Variants in ULK3 observed in about 807,000 individuals in gnomAD.
ULK3 encodes serine/threonine-protein kinase ULK3.
A neutral mutation model predicts 69.4 loss-of-function variants in ULK3; 54 were observed. That is an observed-to-expected ratio of 0.78 (90% confidence interval 0.63 to 0.98). ULK3 has a LOEUF of 0.98. Ranked by LOEUF, ULK3 falls within the 50% of genes least tolerant of loss-of-function variation. The pLI, the probability that ULK3 is intolerant of heterozygous loss-of-function variation, is 0.00. For missense variants in ULK3, 558 were observed against 627.7 expected (o/e 0.89, Z 1.19); for synonymous variants, 240 against 254.5 (o/e 0.94, Z 0.54).
At chr15:74,838,931 G>A (rs139193746) in intron 9 of ULK3, 79 bp downstream of exon 9, 49 of 1,531,088 alleles carry the variant, frequency 3.2e-5, no homozygotes, top group Non-Finnish European at 4.3e-5. Flanking sequence ...AATTCTAAGA[G>A]AGCCATTCCC....
Position 74,837,405 on chromosome 15 carries a change from G to A in ULK3, c.1366C>T (p.Leu456=). 4 of 1,613,010 alleles carry A rather than the reference G, an allele frequency of 2.5e-6. No homozygotes were observed. The highest frequency in any genetic ancestry group is 3.4e-6 in the Non-Finnish European group (4 of 1,179,552). ...MRESRWEADT[L]DKEGLSESVR... ...GATTCCGACAGTCCCTCTTTGTCCAGGGTGTCAGCTTCCCAGCGAGATTCC... is the reference window on the plus strand; with the variant it reads ...GATTCCGACAGTCCCTCTTTGTCCAAGGTGTCAGCTTCCCAGCGAGATTCC... The change falls in exon 15 of 16, where the codon CTG becomes TTG. Residue 456 remains leucine (L), a synonymous_variant. Transcript: ENST00000440863.
intron 15 of ULK3, 26 bp from the exon 16 acceptor site, chr15:74,837,270 G>A (rs1468349543): frequency 3.7e-6 from 6 of 1,603,142 alleles, no homozygotes; most frequent in Non-Finnish European, 5.1e-6. Flanking sequence ...GGACAATGGG[G>A]GAGGGTCAGT....
intron 13 of ULK3, 42 bp from the exon 14 acceptor site, chr15:74,837,840 CGGGGGGT>C: frequency 6.8e-7 from 1 of 1,478,688 alleles, no homozygotes; most frequent in Non-Finnish European, 9.3e-7. Flanking sequence ...GGGAGAGTGG[CGGGGGGT>C]GGGGTTTCAA....
At chr15:74,838,864 G>A (rs770005467) in intron 9 of ULK3, 119 bp from the exon 10 acceptor site, 2 of 1,385,742 alleles carry the variant, frequency 1.4e-6, no homozygotes, top group African/African-American at 1.4e-5. Flanking sequence ...CATGTCAGGG[G>A]GCAAATGTGG....
Position 74,836,304 on chromosome 15 carries a change from C to G in ULK3, c.*924G>C, listed in dbSNP as rs1377918373. 6.6e-6 allele frequency: 1 copy of G among 152,212 alleles called. No individual in the cohort carries two copies. Among genetic ancestry groups the G allele is most frequent in the African/African-American group, 2.4e-5 (1 of 41,440 alleles). 9.4% of individuals were successfully genotyped at this position (152,212 alleles called of 1,614,324 possible). Reference sequence around the variant, plus strand: ...TTTTCCAGGTTAAATTCACTTTGTCCTCATAAGTGCCCATGCTGTGGGCTG... The same window carrying G: ...TTTTCCAGGTTAAATTCACTTTGTCGTCATAAGTGCCCATGCTGTGGGCTG... On this transcript the variant is annotated 3_prime_UTR_variant, in exon 16 of 16. Transcript: ENST00000440863. This position sits in a 1 kb window ranked among gnomAD's most constrained non-coding sequence, Gnocchi z 4.0.
Position 74,842,409 on chromosome 15 carries a change from A to C in ULK3, c.114T>G (p.Arg38=). The change falls in exon 2 of 16, where the codon CGT becomes CGG. Residue 38 remains arginine (R), a synonymous_variant. Coordinates refer to ENST00000440863, the MANE Select transcript of ULK3 (RefSeq NM_001099436.4). This position sits in a 1 kb window ranked among gnomAD's most constrained non-coding sequence, Gnocchi z 4.9. The part of the protein sequence containing the change: ...VYKAYAKKDT[R]EVVAIKCVAK... ...CTACACACTTTATGGCTACCACTTC[A>C]CGAGTGTCCTTCTGCGAGACAGGAG... 6.2e-7 allele frequency: 1 copy of C among 1,613,818 alleles called. No homozygotes were observed. Among genetic ancestry groups the C allele is most frequent in the Non-Finnish European group, 8.5e-7 (1 of 1,179,878 alleles).
At chr15:74,840,443 C>T (rs1467510637) in intron 5 of ULK3, 55 bp downstream of exon 5, 3 of 1,575,442 alleles carry the variant, frequency 1.9e-6, no homozygotes, top group Admixed American at 3.7e-5. Context: ...CCAGAGAGGC[C>T]TTGCCTGAGG....
chr15:74,839,313 A>G lies in ULK3; in HGVS notation c.913T>C (p.Ser305Pro). ...DQEGDSAAAL[S>P]LYCKALDFFV... ...AAGTCCAGAGCCTTGCAGTAGAGTG[A>G]TAAGGCAGCTGCTGAATCCCCCTCC... Residue 305 changes from serine (S) to proline (P), a missense_variant, in exon 8 of 16, where the codon TCA becomes CCA. Coordinates refer to ENST00000440863, the MANE Select transcript of ULK3 (RefSeq NM_001099436.4). The G allele has an allele frequency of 1.3e-6, 2 of 1,567,112 alleles. No homozygotes were observed. Among genetic ancestry groups the G allele is most frequent in the Non-Finnish European group, 8.7e-7 (1 of 1,155,376 alleles).
At position 74,837,752 on chromosome 15, in the gene ULK3, T is replaced by C. The variant is rs12898397; in HGVS notation, c.1334A>G (p.Lys445Arg). The stretch of plus-strand genomic sequence containing the variant: ...CCAGCGTGGCCCCCATGTGCCCACC[T>C]TGACCTGCTCCTTCAAGTATTCAGC... ...ARAEYLKEQV[K>R]MRESRWEADT... Residue 445 changes from lysine (K) to arginine (R), a missense_variant and splice_region_variant, in exon 14 of 16, where the codon AAG (lysine) becomes AGG (arginine). Transcript: ENST00000440863. 902,738 of 1,593,722 alleles carry C rather than the reference T, an allele frequency of 0.57. 266,534 individuals carry two copies. Among genetic ancestry groups the C allele is most frequent in the Non-Finnish European group, 0.62 (720,506 of 1,169,520 alleles).
At chr15:74,839,231 C>G in intron 8 of ULK3, 37 bp downstream of exon 8, 1 of 1,547,316 alleles carries the variant, frequency 6.5e-7, no homozygotes, top group Non-Finnish European at 8.7e-7. Flanking sequence ...CCCATCCCTG[C>G]TGCACCCACG....
At chr15:74,837,983 C>A in intron 13 of ULK3, 169 bp downstream of exon 13, 1 of 1,269,928 alleles carries the variant, frequency 7.9e-7, no homozygotes, top group Non-Finnish European at 1.1e-6. Flanking sequence ...TGCTGGGTTC[C>A]CAGATCCCCC....
Position 74,837,845 on chromosome 15 carries a change from G to A in ULK3, c.1288-47C>T, listed in dbSNP as rs1483129934. 7 of 1,542,924 alleles carry A rather than the reference G, an allele frequency of 4.5e-6. No individual in the cohort carries two copies. In the East Asian group the frequency reaches 7.2e-5, roughly 16 times the overall value. ...TTGGGTGTGGGGGAGAGTGGCGGGG[G>A]GTGGGGTTTCAAAGGGAACTCCTCC... On this transcript the variant is annotated intron_variant, in intron 13 of 15. Coordinates refer to ENST00000440863, the MANE Select transcript of ULK3 (RefSeq NM_001099436.4).
rs2064177793 is a variant in ULK3 at position 74,839,767 on chromosome 15, C to A, written c.697-54G>T. 31 of 1,470,822 alleles carry A rather than the reference C, an allele frequency of 2.1e-5. No individual in the cohort carries two copies. In the South Asian group the frequency reaches 4.0e-4, roughly 19 times the overall value. 91.1% of individuals were successfully genotyped at this position (1,470,822 alleles called of 1,614,324 possible). ...TCACACTGGGCTCCTCCACCCCTAC[C>A]CCTAGCCCAGGGGTCTGCGAGGAAC... is the stretch of plus-strand genomic sequence containing the variant. On this transcript the variant is annotated intron_variant, in intron 6 of 15. Transcript: ENST00000440863.
chr15:74,838,213 G>A (rs1210368229), intron 12 of ULK3, 21 bp from the exon 13 acceptor site: 2 of 1,567,684 alleles, frequency 1.3e-6, no homozygotes, highest in South Asian at 2.3e-5. Flanking sequence ...AGGGTGTGTG[G>A]TGAGGACAGG....
At chr15:74,840,795 C>G (rs1202809170) in intron 4 of ULK3, 154 bp from the exon 5 acceptor site, 1 of 1,030,258 alleles carries the variant, frequency 9.7e-7, no homozygotes, top group Non-Finnish European at 1.4e-6. Context: ...GAACACCCTC[C>G]TATATCTGCC....
chr15:74,838,912 G>A lies in ULK3; in HGVS notation c.999+98C>T, dbSNP rs963615740. 202 of 1,495,802 alleles carry A rather than the reference G, an allele frequency of 1.4e-4. 1 individual carries two copies. Among genetic ancestry groups the A allele is most frequent in the Admixed American group, 1.2e-3 (62 of 50,522 alleles). The allele number at this position is 1,495,802 out of a possible 1,614,324, so 92.7% of individuals were successfully genotyped here. ...ATTCCCAGCTCTGTGTTGCAGGAGA[G>A]GAAGTTCCAATTCTAAGAGAGCCAT... On this transcript the variant is annotated intron_variant, in intron 9 of 15. Coordinates refer to ENST00000440863, the MANE Select transcript of ULK3 (RefSeq NM_001099436.4).
Position 74,838,646 on chromosome 15 carries a change from T to A in ULK3, c.1099A>T (p.Arg367Ter). ...RQGTSARDLL[R>*]EMARDKPRLL... is the part of the protein sequence containing the mutation. The stretch of plus-strand genomic sequence containing the variant: ...TCAGCCAGAAACCGGAGTCTACCTC[T>A]GAGCAGGTCTCGGGCAGAGGTCCCC... The change falls in exon 10 of 16, where the codon AGA becomes TGA. Residue 367 changes from arginine to a stop codon, truncating the protein, a stop_gained. Coordinates refer to ENST00000440863, the MANE Select transcript of ULK3 (RefSeq NM_001099436.4). LOFTEE classifies it high-confidence loss of function. 6.2e-7 allele frequency: 1 copy of A among 1,610,654 alleles called. No homozygotes were observed. Among genetic ancestry groups the A allele is most frequent in the Non-Finnish European group, 8.5e-7 (1 of 1,178,310 alleles).
At chr15:74,839,451 G>C in intron 7 of ULK3, 78 bp from the exon 8 acceptor site, 1 of 1,541,692 alleles carries the variant, frequency 6.5e-7, no homozygotes, top group South Asian at 1.2e-5. Context: ...CAGCTCCCCT[G>C]AGCCCGCCCT....
rs1488030510 is a variant in ULK3 at position 74,839,069 on chromosome 15, T to C, written c.959-19A>G. 4 of 1,598,706 alleles carry C rather than the reference T, an allele frequency of 2.5e-6. No homozygotes were observed. Among genetic ancestry groups the C allele is most frequent in the Non-Finnish European group, 3.4e-6 (4 of 1,172,684 alleles). On this transcript the variant is annotated intron_variant, in intron 8 of 15. Coordinates refer to ENST00000440863, the MANE Select transcript of ULK3 (RefSeq NM_001099436.4). The stretch of plus-strand genomic sequence containing the variant: ...ACTTCATCTGCAGAAAGTGAGGTCA[T>C]ATGAGGAGTCTGGGCGAACCCCTCC...
Sources: allele counts gnomAD v4.1 joint callset, GRCh38; gene constraint gnomAD v4.1.1; non-coding constraint Gnocchi (gnomAD v3.1); transcripts MANE v1.5; gene names NCBI Gene and HGNC (gene_info 2026-07-23, HGNC 2026-07-21).